Variants in ADGRB2 observed in about 807,000 individuals in gnomAD.
The protein encoded by ADGRB2 is adhesion G protein-coupled receptor B2, also known as brain-specific angiogenesis inhibitor 2.
ADGRB2 carries 47 observed loss-of-function variants against 178.7 expected under a neutral mutation model. The ratio of observed to expected loss-of-function variants is 0.26; its 90% CI spans 0.21 to 0.34. The LOEUF is 0.34. ADGRB2 is among the 10% of genes least tolerant of loss of function. ADGRB2 has a pLI of 1.00. For synonymous variants in ADGRB2, 870 were observed against 912.4 expected, an observed-to-expected ratio of 0.95 and a Z score of 0.84; for missense variants, 1,584 against 2,180.8, an observed-to-expected ratio of 0.73 and a Z score of 5.45.
rs1455396911 is a variant in ADGRB2 at position 31,754,016 on chromosome 1, A to G, written c.838+1983T>C. Among the ~76,000 whole-genome samples the G allele has an allele frequency of 1.3e-5, 2 of 152,220 alleles. No individual in the cohort carries two copies. Among genetic ancestry groups the G allele is most frequent in the Non-Finnish European group, 2.9e-5 (2 of 68,038 alleles). ...GCCAAGTAGGACAAGGGGCAAGAGC[A>G]GAGGTCAGGCTTGGGAACAGCTGGG... On this transcript the variant is annotated intron_variant, in intron 4 of 32. Coordinates refer to ENST00000373658, the MANE Select transcript of ADGRB2 (RefSeq NM_001364857.2). The surrounding 1 kb of genome is among the most constrained non-coding windows in gnomAD (Gnocchi z 5.7).
intron 15 of ADGRB2, 109 bp from the exon 16 acceptor site, chr1:31,739,046 C>A (rs1569864521): frequency 9.7e-7 from 1 of 1,028,480 alleles, no homozygotes; most frequent in East Asian, 2.5e-5. Context: ...AGCCAAGGCC[C>A]AGGGGAAGGC....
At position 31,741,382 on chromosome 1, in the gene ADGRB2, C is replaced by T. The variant is rs1167710903; in HGVS notation, c.1785G>A (p.Leu595=). Residue 595 remains leucine (L), a synonymous_variant, in exon 11 of 33, where the codon CTG becomes CTA. Coordinates refer to ENST00000373658, the MANE Select transcript of ADGRB2 (RefSeq NM_001364857.2). This position sits in a 1 kb window ranked among gnomAD's most constrained non-coding sequence, Gnocchi z 6.5. The part of the protein sequence containing the change: ...ARCISHEYRY[L]YLSLREHLAK... ...AGCAGGGTGCACTCACTGACAGATA[C>T]AGGTAGCGGTACTCATGGGAGATGC... The T allele has an allele frequency of 1.2e-6, 2 of 1,601,832 alleles. No individual in the cohort carries two copies. Among genetic ancestry groups the T allele is most frequent in the East Asian group, 2.2e-5 (1 of 44,492 alleles).
intron 19 of ADGRB2, 35 bp from the exon 20 acceptor site, chr1:31,737,566 G>A: frequency 6.2e-7 from 1 of 1,611,978 alleles, no homozygotes; most frequent in Non-Finnish European, 8.5e-7. Flanking sequence ...CAGAGGCGCT[G>A]GCTGCCCCAT....
chr1:31,736,252 C>G, intron 22 of ADGRB2, 69 bp downstream of exon 22: 1 of 1,553,558 alleles, frequency 6.4e-7, no homozygotes, highest in Non-Finnish European at 8.8e-7. Flanking sequence ...AGGATTTCAG[C>G]CAGCTGCCCA....
chr1:31,741,589 G>T lies in ADGRB2; in HGVS notation c.1687+35C>A. The T allele has an allele frequency of 6.3e-7, 1 of 1,593,356 alleles. No homozygotes were observed. The highest frequency in any genetic ancestry group is 8.6e-7 in the Non-Finnish European group (1 of 1,164,492). ...AGAAGGGGGCAATGAGAATGGCAGG[G>T]GTGGTGGTGGTGGGGAAAGCCACCT... is the stretch of plus-strand genomic sequence containing the variant. On this transcript the variant is annotated intron_variant, in intron 10 of 32. Coordinates refer to ENST00000373658, the MANE Select transcript of ADGRB2 (RefSeq NM_001364857.2). The surrounding 1 kb of genome is among the most constrained non-coding windows in gnomAD (Gnocchi z 6.5).
At chr1:31,731,836 T>C (rs1645300803) in intron 28 of ADGRB2, among the ~76,000 whole-genome samples, 1 of 152,210 alleles carries the variant, frequency 6.6e-6, no homozygotes, top group South Asian at 2.1e-4. Context: ...GAACTCGATG[T>C]CCCCGAATTC....
chr1:31,736,868 T>C (rs969177832), intron 20 of ADGRB2, 145 bp from the exon 21 acceptor site: 1 of 1,264,852 alleles, frequency 7.9e-7, no homozygotes, highest in East Asian at 2.6e-5. Flanking sequence ...CACCCCCGCC[T>C]TCCTGCACCC....
chr1:31,728,650 A>G lies in ADGRB2; in HGVS notation c.4381-17T>C, dbSNP rs1443283369. 2 of 1,613,848 alleles carry G rather than the reference A, an allele frequency of 1.2e-6. No individual in the cohort carries two copies. Among genetic ancestry groups the G allele is most frequent in the African/African-American group, 2.7e-5 (2 of 74,886 alleles). Reference sequence around the variant, plus strand: ...TTTCTTTCGCTGGGAAGGAGCAACAAGGAGGCAATGGAGGAGAAGAAAGCT... The same window carrying G: ...TTTCTTTCGCTGGGAAGGAGCAACAGGGAGGCAATGGAGGAGAAGAAAGCT... On this transcript the variant is annotated splice_polypyrimidine_tract_variant and intron_variant, in intron 29 of 32. Transcript: ENST00000373658. The surrounding 1 kb of genome is among the most constrained non-coding windows in gnomAD (Gnocchi z 6.7).
rs1423290969 is a variant in ADGRB2 at position 31,757,254 on chromosome 1, C to G, written c.-33G>C. The G allele has an allele frequency of 6.2e-7, 1 of 1,613,944 alleles. No homozygotes were observed. The stretch of plus-strand genomic sequence containing the variant: ...GCTCTCCATCCCCGTGTGTCGTGAT[C>G]AGCTGTGAGGCATGTCACCGCGTAA... On this transcript the variant is annotated 5_prime_UTR_variant, in exon 3 of 33. The change abolishes the stop of an existing upstream ORF in the 5' untranslated region. Coordinates refer to ENST00000373658, the MANE Select transcript of ADGRB2 (RefSeq NM_001364857.2).
rs1342377564 is a variant in ADGRB2, at chr1:31,761,936, C to T, written c.-191+1948G>A. Among the ~76,000 whole-genome samples the T allele has an allele frequency of 1.3e-5, 2 of 152,098 alleles. No homozygotes were observed. Among genetic ancestry groups the T allele is most frequent in the Non-Finnish European group, 2.9e-5 (2 of 68,018 alleles). The stretch of plus-strand genomic sequence containing the variant: ...CTATATGAGGCAGTGATCACTGACC[C>T]ATTTTATAGAGGGTCAACTGAGGCT... On this transcript the variant is annotated intron_variant, in intron 1 of 32. Coordinates refer to ENST00000373658, the MANE Select transcript of ADGRB2 (RefSeq NM_001364857.2). The surrounding 1 kb of genome is among the most constrained non-coding windows in gnomAD (Gnocchi z 4.2).
In ADGRB2 at chr1:31,735,575, C is replaced by A. The variant is rs1472885814; in HGVS notation, c.3353+5G>T. On this transcript the variant is annotated splice_donor_5th_base_variant and intron_variant, in intron 24 of 32. Coordinates refer to ENST00000373658, the MANE Select transcript of ADGRB2 (RefSeq NM_001364857.2). The surrounding 1 kb of genome is among the most constrained non-coding windows in gnomAD (Gnocchi z 6.0). ...AAGGCCAAGTCTCAGAGGCCCCCCC[C>A]TTACCCGGCCCTCTGCTTCTTGGAT... 6.2e-7 allele frequency: 1 copy of A among 1,613,798 alleles called. No homozygotes were observed. The highest frequency in any genetic ancestry group is 8.5e-7 in the Non-Finnish European group (1 of 1,179,722).
chr1:31,730,767 C>G (rs1645239637), intron 29 of ADGRB2, 33 bp downstream of exon 29: 11 of 1,467,902 alleles, frequency 7.5e-6, no homozygotes, highest in Non-Finnish European at 9.0e-6. Flanking sequence ...GACACAGTCT[C>G]AGACACACAC....
Position 31,728,074 on chromosome 1 carries a change from T to C in ADGRB2, c.4523A>G (p.Lys1508Arg). The change falls in exon 32 of 33, where the codon AAG becomes AGG. Residue 1508 changes from lysine to arginine, a missense_variant. Transcript: ENST00000373658. The surrounding 1 kb of genome is among the most constrained non-coding windows in gnomAD (Gnocchi z 6.7). ...CCCACCCGAGGACACACTCCACCGC[T>C]TCTCCCTCTGCAACGGGGGCCACCG... The part of the protein sequence containing the change: ...YRSQSTAKRE[K>R]RWSVSSGGAA... 1 of 1,605,450 alleles carries C rather than the reference T, an allele frequency of 6.2e-7. No individual in the cohort carries two copies. Among genetic ancestry groups the C allele is most frequent in the Non-Finnish European group, 8.5e-7 (1 of 1,177,424 alleles).
In ADGRB2 at chr1:31,742,907, G is replaced by C. The variant is rs1162072882; in HGVS notation, c.1183C>G (p.Gln395Glu). 1.6e-5 allele frequency: 24 copies of C among 1,539,498 alleles called. No individual in the cohort carries two copies. The highest frequency in any genetic ancestry group is 2.0e-4 in the Middle Eastern group (1 of 4,970). ...RSRMRTCVPP[Q>E]HGGKACEGPE... The stretch of plus-strand genomic sequence containing the variant: ...CCCTCGCAGGCCTTGCCGCCGTGCT[G>C]GGGGGGCACGCAGGTCCGCATCCGG... Residue 395 changes from glutamine to glutamate, a missense_variant, in exon 7 of 33, where the codon CAG (glutamine) becomes GAG (glutamate). Transcript: ENST00000373658.
At position 31,727,241 on chromosome 1, in the gene ADGRB2, G is replaced by T. The variant is rs1007210465; in HGVS notation, c.*179C>A. 6 of 646,794 alleles carry T rather than the reference G, an allele frequency of 9.3e-6. No individual in the cohort carries two copies. The highest frequency in any genetic ancestry group is 1.4e-5 in the Non-Finnish European group (6 of 417,982). 40.1% of individuals were successfully genotyped at this position (646,794 alleles called of 1,614,324 possible). On this transcript the variant is annotated 3_prime_UTR_variant, in exon 33 of 33. Transcript: ENST00000373658. The surrounding 1 kb of genome is among the most constrained non-coding windows in gnomAD (Gnocchi z 4.4). The stretch of plus-strand genomic sequence containing the variant: ...GAGGGGCCTCTGAGAAACAAGGAAG[G>T]GCCCTGGGACCCCAGGCCAAGCCAT...
In ADGRB2 at chr1:31,735,673, C is replaced by A. The variant is rs770091000; in HGVS notation, c.3268-8G>T. ...TCCGATGAGCATGTTCACCTGGGGG[C>A]CCAGTAGAGTGGAGTGGGGGAGACA... is the stretch of plus-strand genomic sequence containing the variant. On this transcript the variant is annotated splice_region_variant and splice_polypyrimidine_tract_variant and intron_variant, in intron 23 of 32. Coordinates refer to ENST00000373658, the MANE Select transcript of ADGRB2 (RefSeq NM_001364857.2). This position sits in a 1 kb window ranked among gnomAD's most constrained non-coding sequence, Gnocchi z 6.0. 1.4e-5 allele frequency: 23 copies of A among 1,590,658 alleles called. No individual in the cohort carries two copies. In the Admixed American group the frequency reaches 3.9e-4, roughly 27 times the overall value.
intron 28 of ADGRB2, among the ~76,000 whole-genome samples, 200 bp downstream of exon 28, chr1:31,731,915 G>A (rs2148891649): frequency 6.6e-6 from 1 of 152,292 alleles, no homozygotes; most frequent in South Asian, 2.1e-4. Flanking sequence ...TGTGTTAACT[G>A]AGGCTTAGAG....
rs1317358911 is a variant in ADGRB2, at chr1:31,733,524, G to A, written c.3453-381C>T. On this transcript the variant is annotated intron_variant, in intron 25 of 32. Coordinates refer to ENST00000373658, the MANE Select transcript of ADGRB2 (RefSeq NM_001364857.2). This position sits in a 1 kb window ranked among gnomAD's most constrained non-coding sequence, Gnocchi z 4.3. ...GGACGGCATCCCCAGAGCCTAACTG[G>A]GTAGGCTGGGGAGGGGGACTGGAAG... Among the ~76,000 whole-genome samples the A allele has an allele frequency of 1.3e-5, 2 of 152,154 alleles. No homozygotes were observed. Among genetic ancestry groups the A allele is most frequent in the Non-Finnish European group, 2.9e-5 (2 of 68,022 alleles).
At chr1:31,763,025 C>G (rs918990276) in intron 1 of ADGRB2, among the ~76,000 whole-genome samples, 1 of 152,262 alleles carries the variant, frequency 6.6e-6, no homozygotes, top group Admixed American at 6.5e-5. Context: ...CAGCCTACAA[C>G]CCCCTCCGGA....
Sources: gnomAD v4.1 joint callset for allele counts (sites outside exome capture counted in the v4.1 genomes callset) on GRCh38, gnomAD v4.1.1 for gene constraint, Gnocchi (gnomAD v3.1) non-coding constraint, MANE v1.5 for transcripts, NCBI Gene and HGNC (gene_info 2026-07-23, HGNC 2026-07-21) for gene names.